VAV2: variants seen among roughly 807,000 people sequenced by gnomAD.
The protein encoded by VAV2 is vav guanine nucleotide exchange factor 2.
Under a neutral mutation model 132.5 loss-of-function variants are expected in VAV2, and 67 were observed. The ratio of observed to expected loss-of-function variants is 0.51; its 90% CI spans 0.42 to 0.62. VAV2 has a LOEUF of 0.62. Among genes scored for constraint, VAV2 ranks in the 20% least tolerant of loss-of-function variants. The pLI, the probability that VAV2 is intolerant of heterozygous loss-of-function variation, is 0.00. For missense variants in VAV2, 938 were observed against 1,153.6 expected (o/e 0.81, Z 2.71); for synonymous variants, 492 against 443.5 (o/e 1.11, Z -1.37).
At chr9:133,845,561 G>A (rs986113219) in intron 3 of VAV2, among the ~76,000 whole-genome samples, 1 of 152,156 alleles carries the variant, frequency 6.6e-6, no homozygotes, top group Non-Finnish European at 1.5e-5. Context: ...ACTTCCTGCC[G>A]ACTTGTCTGC....
chr9:133,844,716 G>A (rs774747983), intron 3 of VAV2, among the ~76,000 whole-genome samples: 2 of 152,228 alleles, frequency 1.3e-5, no homozygotes, highest in East Asian at 1.9e-4. Context: ...ACCCTCGGCC[G>A]AGCTCAGTCA....
chr9:133,900,724 C>T (rs1224757342), intron 2 of VAV2, among the ~76,000 whole-genome samples: 1 of 152,010 alleles, frequency 6.6e-6, no homozygotes, highest in Admixed American at 6.6e-5. Context: ...AATGTTCAAT[C>T]GCCTTGCCTT....
intron 1 of VAV2, among the ~76,000 whole-genome samples, chr9:133,941,171 G>A (rs933135903): frequency 4.6e-5 from 7 of 152,178 alleles, no homozygotes; most frequent in African/African-American, 1.4e-4. Flanking sequence ...ACTTTAGGAG[G>A]CCGAGGCGGG....
intron 22 of VAV2, 80 bp downstream of exon 22, chr9:133,778,682 A>C (rs1160268049): frequency 3.1e-5 from 48 of 1,561,308 alleles, no homozygotes; most frequent in Non-Finnish European, 4.1e-5. Flanking sequence ...GGGGATGTGC[A>C]GGACTTTATG....
At chr9:133,915,852 C>G (rs544203188) in intron 2 of VAV2, among the ~76,000 whole-genome samples, 3 of 148,206 alleles carry the variant, frequency 2.0e-5, no homozygotes, top group Non-Finnish European at 4.5e-5. Context: ...AACGCACACA[C>G]ACACGATGTA....
intron 2 of VAV2, among the ~76,000 whole-genome samples, chr9:133,898,341 C>T (rs1168774543): frequency 6.6e-6 from 1 of 152,010 alleles, no homozygotes; most frequent in Admixed American, 6.5e-5. Flanking sequence ...GTAATCCCAG[C>T]ACTTTGGGAG....
At position 133,768,591 on chromosome 9, in the gene VAV2, T is replaced by C; in HGVS notation, c.2440A>G (p.Thr814Ala). The C allele has an allele frequency of 1.2e-6, 2 of 1,613,474 alleles. No homozygotes were observed. The highest frequency in any genetic ancestry group is 1.7e-6 in the Non-Finnish European group (2 of 1,179,784). ...GPSAPFWSVF[T>A]PRVIGTAVAR... is the part of the protein sequence containing the mutation. ...ACAGCTGTGCCGATGACGCGGGGCG[T>C]GAACACTGTTGAGGGAGATGGGCAG... Residue 814 changes from threonine to alanine, a missense_variant, in exon 29 of 30, where the codon ACG becomes GCG. Physicochemically the swap from Thr to Ala is moderately conservative, Grantham distance 58. Transcript: ENST00000371850. This position sits in a 1 kb window ranked among gnomAD's most constrained non-coding sequence, Gnocchi z 5.3.
Position 133,777,408 on chromosome 9 carries a change from G to A in VAV2, c.1946C>T (p.Pro649Leu). 6.2e-7 allele frequency: 1 copy of A among 1,613,778 alleles called. No individual in the cohort carries two copies. Reference sequence around the variant, plus strand: ...ACTCACCCTTCCATCCACAGGGCAGGGCTTCACAGATGAGCTGGGGAAATA... The same window carrying A: ...ACTCACCCTTCCATCCACAGGGCAGAGCTTCACAGATGAGCTGGGGAAATA... ...SGYFPSSSVKPCPVDGRPPIS... is the reference protein window; with the variant it reads ...SGYFPSSSVKLCPVDGRPPIS... The change falls in exon 23 of 30, where the codon CCC (proline) becomes CTC (leucine). Residue 649 changes from proline to leucine, a missense_variant. Pro to Leu is a moderately conservative substitution (Grantham distance 98, BLOSUM62 -3). Coordinates refer to ENST00000371850, the MANE Select transcript of VAV2 (RefSeq NM_001134398.2).
chr9:133,805,322 AG>A (rs1422613217), intron 9 of VAV2, among the ~76,000 whole-genome samples: 1 of 152,152 alleles, frequency 6.6e-6, no homozygotes, highest in African/African-American at 2.4e-5. Flanking sequence ...CAGTGGCTCT[AG>A]TGAGCAGCCA....
rs1835976803 is a variant in VAV2 at position 133,826,078 on chromosome 9, TG to T, written c.449+8193del. ...AAAATCACTTCAACTCCCAGGAAAG[TG>T]AAACCAGTGTTATGCAAAGCAGGCT... On this transcript the variant is annotated intron_variant, in intron 4 of 29. Transcript: ENST00000371850. The surrounding 1 kb of genome is among the most constrained non-coding windows in gnomAD (Gnocchi z 4.2). Among the ~76,000 whole-genome samples, 1 of 152,180 alleles carries T rather than the reference TG, an allele frequency of 6.6e-6. No homozygotes were observed. Among genetic ancestry groups the T allele is most frequent in the South Asian group, 2.1e-4 (1 of 4,830 alleles).
In VAV2 at chr9:133,784,232, T is replaced by C. The variant is rs1023968833; in HGVS notation, c.1634+85A>G. ...CCCTCAGGGCCTCCCACAGGGAACA[T>C]GGGACAGATAGAACACTAAGCTCTC... On this transcript the variant is annotated intron_variant, in intron 18 of 29. Coordinates refer to ENST00000371850, the MANE Select transcript of VAV2 (RefSeq NM_001134398.2). 18 of 1,442,822 alleles carry C rather than the reference T, an allele frequency of 1.2e-5. No homozygotes were observed. The Admixed American group carries it at 1.5e-4, about 12-fold the overall frequency. The allele number at this position is 1,442,822 out of a possible 1,614,324, so 89.4% of individuals were successfully genotyped here.
intron 13 of VAV2, 132 bp from the exon 14 acceptor site, chr9:133,789,475 G>T: frequency 1.3e-6 from 1 of 789,916 alleles, no homozygotes; most frequent in Non-Finnish European, 2.1e-6. Context: ...AAGGGAAACA[G>T]CCCCTGTGGC....
In VAV2 at chr9:133,944,877, C is replaced by T. The variant is rs1337683595; in HGVS notation, c.205-5658G>A. Among the ~76,000 whole-genome samples the T allele has an allele frequency of 5.9e-5, 9 of 152,322 alleles. No individual in the cohort carries two copies. In the East Asian group the frequency reaches 1.4e-3, roughly 23 times the overall value. On this transcript the variant is annotated intron_variant, in intron 1 of 29. Transcript: ENST00000371850. ...TCGCTGCTCCCTCCTCCCAGGAGAG[C>T]TCGGGCAAGTCTCCTCATGTGCACA...
In VAV2 at chr9:133,969,565, G is replaced by A. The variant is rs1304517445; in HGVS notation, c.204+22510C>T. On this transcript the variant is annotated intron_variant, in intron 1 of 29. Coordinates refer to ENST00000371850, the MANE Select transcript of VAV2 (RefSeq NM_001134398.2). The surrounding 1 kb of genome is among the most constrained non-coding windows in gnomAD (Gnocchi z 5.1). ...CCTGACCAGAGCGGATTCCAGGAAG[G>A]CTGCTGGGAGAACCCAGACATCCCT... 6.6e-6 allele frequency among the ~76,000 whole-genome samples: 1 copy of A among 152,034 alleles called. No individual in the cohort carries two copies. Among genetic ancestry groups the A allele is most frequent in the Non-Finnish European group, 1.5e-5 (1 of 67,988 alleles).
Position 133,823,556 on chromosome 9 carries a change from G to C in VAV2, c.449+10716C>G, listed in dbSNP as rs1588226899. Reference sequence around the variant, plus strand: ...ATACAAGGGAAATAACGTCAAAAGGGAGAAGTCTTCCTCTTCCTGGAGTTC... The same window carrying C: ...ATACAAGGGAAATAACGTCAAAAGGCAGAAGTCTTCCTCTTCCTGGAGTTC... On this transcript the variant is annotated intron_variant, in intron 4 of 29. Transcript: ENST00000371850. This position sits in a 1 kb window ranked among gnomAD's most constrained non-coding sequence, Gnocchi z 5.5. Among the ~76,000 whole-genome samples, 1 of 152,204 alleles carries C rather than the reference G, an allele frequency of 6.6e-6. No individual in the cohort carries two copies.
At chr9:133,800,047 G>A (rs1343898747) in intron 9 of VAV2, among the ~76,000 whole-genome samples, 15 of 152,228 alleles carry the variant, frequency 9.9e-5, no homozygotes, top group Admixed American at 8.5e-4. Flanking sequence ...CGTGACTGTC[G>A]CCGTTCTACC....
chr9:133,810,239 C>G lies in VAV2; in HGVS notation c.553-34G>C, dbSNP rs55662449. ...GTGGAGAAAGAACCAGAAACAGCGC[C>G]GGTTAGCAGGGCCCACACTGTCCTG... On this transcript the variant is annotated intron_variant, in intron 5 of 29. Transcript: ENST00000371850. 859 of 1,612,842 alleles carry G rather than the reference C, an allele frequency of 5.3e-4. 4 individuals are homozygous for G. The East Asian group carries it at 0.016, about 31-fold the overall frequency.
chr9:133,769,514 G>A lies in VAV2; in HGVS notation c.2348-11C>T. On this transcript the variant is annotated splice_polypyrimidine_tract_variant and intron_variant, in intron 27 of 29. Transcript: ENST00000371850. The surrounding 1 kb of genome is among the most constrained non-coding windows in gnomAD (Gnocchi z 8.1). The stretch of plus-strand genomic sequence containing the variant: ...AGGAAGCACAGGAAGCTGCAAAGAG[G>A]CGAGAGAGAACGTGAGGCGGGCAGC... 6.2e-7 allele frequency: 1 copy of A among 1,609,502 alleles called. No individual in the cohort carries two copies. The highest frequency in any genetic ancestry group is 8.5e-7 in the Non-Finnish European group (1 of 1,177,940).
chr9:133,779,745 G>T (rs1833939719), intron 21 of VAV2, among the ~76,000 whole-genome samples, 173 bp downstream of exon 21: 1 of 152,140 alleles, frequency 6.6e-6, no homozygotes, highest in African/African-American at 2.4e-5. Flanking sequence ...TCCCAAGGAG[G>T]TGCCATAGAG....
Sources: gnomAD v4.1 joint callset for allele counts (sites outside exome capture counted in the v4.1 genomes callset) on GRCh38, gnomAD v4.1.1 for gene constraint, Gnocchi (gnomAD v3.1) non-coding constraint, MANE v1.5 for transcripts, NCBI Gene and HGNC (gene_info 2026-07-23, HGNC 2026-07-21) for gene names.